The following ZNF469 variants were observed in gnomAD, a reference collection of about 807,000 sequenced individuals.
The protein encoded by ZNF469 is zinc finger protein 469.
Under a neutral mutation model 1.0 loss-of-function variants are expected in ZNF469, and 1 was observed. That is an observed-to-expected ratio of 1.00 (90% CI 0.35 to 4.73). The LOEUF (loss-of-function observed/expected upper bound fraction) is 4.73, where lower values mean the gene tolerates loss of function less well. Ranked by LOEUF, ZNF469 falls within the 30% of genes most tolerant of loss-of-function variation. The pLI, the probability that ZNF469 is intolerant of heterozygous loss-of-function variation, is 0.16. For missense variants in ZNF469, 6,100 were observed against 5,356.3 expected (o/e 1.14, Z -4.33); for synonymous variants, 2,703 against 2,363.4 (o/e 1.14, Z -4.17).
rs557997233 is a variant in ZNF469 at position 88,431,686 on chromosome 16, G to T, written c.4216G>T (p.Asp1406Tyr). The T allele has an allele frequency of 3.1e-4, 487 of 1,550,430 alleles. 3 individuals are homozygous for T. Among genetic ancestry groups the T allele is most frequent in the East Asian group, 9.3e-4 (38 of 40,922 alleles). ...EELHPKPSAR[D>Y]APPASSSCLC... Reference sequence around the variant, plus strand: ...ACTGCACCCCAAGCCCTCAGCCAGGGATGCCCCGCCGGCCAGCAGCTCCTG... The same window carrying T: ...ACTGCACCCCAAGCCCTCAGCCAGGTATGCCCCGCCGGCCAGCAGCTCCTG... Residue 1406 changes from aspartate to tyrosine, a missense_variant, in exon 3 of 3, where the codon GAT (aspartate) becomes TAT (tyrosine). By Grantham distance (160) the Asp-to-Tyr change is radical. Coordinates refer to ENST00000565624, the MANE Select transcript of ZNF469 (RefSeq NM_001367624.2).
At chr16:88,321,348 G>T in the ZNF469 span, among the ~76,000 whole-genome samples, 16,857 of 152,276 alleles carry the variant, frequency 0.11, 1,030 homozygotes, top group East Asian at 0.19. Context: ...GGCCTTGCCT[G>T]ATTGGATGCA....
At chr16:88,271,522 C>T in the ZNF469 span, among the ~76,000 whole-genome samples, 3 of 140,426 alleles carry the variant, frequency 2.1e-5, no homozygotes, top group Non-Finnish European at 3.2e-5. Context: ...ATGTGTGGCA[C>T]GTGGAAAGGA....
chr16:88,361,067 G>A, the ZNF469 span, among the ~76,000 whole-genome samples: 1,439 of 152,268 alleles, frequency 9.5e-3, 26 homozygotes, highest in African/African-American at 0.032. Context: ...TTTTCCTGCA[G>A]CTAGGTGGTC....
the ZNF469 span, among the ~76,000 whole-genome samples, chr16:88,377,095 C>T: frequency 2.6e-3 from 402 of 152,334 alleles, 1 homozygote; most frequent in Non-Finnish European, 4.6e-3. Context: ...AGATGGGACT[C>T]GACCCAGAGC....
chr16:88,237,120 T>G, the ZNF469 span, among the ~76,000 whole-genome samples: 34 of 147,240 alleles, frequency 2.3e-4, 1 homozygote, highest in South Asian at 4.8e-3. Context: ...AGCAGCTTCC[T>G]GGGCCCCTAA....
intron 1 of ZNF469, among the ~76,000 whole-genome samples, chr16:88,421,098 A>G (rs560385503): frequency 5.3e-5 from 8 of 151,846 alleles, no homozygotes; most frequent in Non-Finnish European, 8.8e-5. Flanking sequence ...GAAACTGAGC[A>G]GGTTGAAAGA....
chr16:88,366,774 G>A, the ZNF469 span, among the ~76,000 whole-genome samples: 15,022 of 144,038 alleles, frequency 0.1, 784 homozygotes, highest in Middle Eastern at 0.16. Flanking sequence ...CACCGCCATC[G>A]CCACCGTCAC....
the ZNF469 span, among the ~76,000 whole-genome samples, chr16:88,318,406 A>G: frequency 6.6e-6 from 1 of 151,852 alleles, no homozygotes; most frequent in African/African-American, 2.4e-5. Context: ...AGCGGGGAAG[A>G]GCCAGCGGTG....
the ZNF469 span, among the ~76,000 whole-genome samples, chr16:88,266,273 T>A: frequency 6.6e-6 from 1 of 152,138 alleles, no homozygotes; most frequent in Non-Finnish European, 1.5e-5. Flanking sequence ...ATGGGGGGAC[T>A]TGGGGCCACT....
chr16:88,338,007 T>C, the ZNF469 span, among the ~76,000 whole-genome samples: 1 of 152,238 alleles, frequency 6.6e-6, no homozygotes, highest in East Asian at 1.9e-4. Context: ...ACTTTCTCTA[T>C]TTTTCCTCTG....
the ZNF469 span, among the ~76,000 whole-genome samples, chr16:88,120,424 G>C: frequency 5.3e-5 from 8 of 152,276 alleles, no homozygotes; most frequent in African/African-American, 1.9e-4. Context: ...GGACGCATTA[G>C]CCAGAGGGCT....
chr16:88,346,591 T>C, the ZNF469 span, among the ~76,000 whole-genome samples: 1 of 152,178 alleles, frequency 6.6e-6, no homozygotes, highest in Non-Finnish European at 1.5e-5. Flanking sequence ...CGATGTTGGC[T>C]CACCGCGGCC....
chr16:88,350,417 A>G, the ZNF469 span, among the ~76,000 whole-genome samples: 1 of 152,142 alleles, frequency 6.6e-6, no homozygotes, highest in Non-Finnish European at 1.5e-5. Flanking sequence ...AGAATCGCCT[A>G]GGGGAGGGCA....
At chr16:88,360,720 G>A in the ZNF469 span, among the ~76,000 whole-genome samples, 1 of 130,050 alleles carries the variant, frequency 7.7e-6, no homozygotes, top group East Asian at 2.3e-4. Context: ...TCCACCCCCA[G>A]ACAGCGCCCG....
chr16:88,168,926 C>CT, the ZNF469 span, among the ~76,000 whole-genome samples: 1 of 152,082 alleles, frequency 6.6e-6, no homozygotes, highest in Admixed American at 6.5e-5. The surrounding 1 kb of genome is among the most constrained non-coding windows in gnomAD (Gnocchi z 4.3). Context: ...TGAGACCCCC[C>CT]CCTCTACAAA....
intron 1 of ZNF469, among the ~76,000 whole-genome samples, chr16:88,392,996 C>T (rs1381117028): frequency 2.0e-5 from 3 of 152,260 alleles, no homozygotes; most frequent in African/African-American, 7.2e-5. Flanking sequence ...CAGGTCCTGG[C>T]ACAGAGAGGC....
upstream of ZNF469, among the ~76,000 whole-genome samples, chr16:88,378,989 G>C (rs1204251633): frequency 6.6e-6 from 1 of 152,206 alleles, no homozygotes; most frequent in Non-Finnish European, 1.5e-5. Flanking sequence ...CAGGATGGAC[G>C]GGTGTCCACA....
the ZNF469 span, among the ~76,000 whole-genome samples, chr16:88,110,406 G>A: frequency 5.2e-5 from 8 of 152,384 alleles, no homozygotes; most frequent in Admixed American, 3.9e-4. Context: ...CACGGTCTCC[G>A]TCCGTCTTCT....
the ZNF469 span, among the ~76,000 whole-genome samples, chr16:88,365,788 A>G: frequency 6.6e-6 from 1 of 152,182 alleles, no homozygotes; most frequent in East Asian, 1.9e-4. Context: ...TGGTCGGGGT[A>G]AGTGAGGGAG....
Sources: allele counts gnomAD v4.1 joint callset (sites outside exome capture counted in the v4.1 genomes callset), GRCh38; gene constraint gnomAD v4.1.1; non-coding constraint Gnocchi (gnomAD v3.1); transcripts MANE v1.5; gene names NCBI Gene and HGNC (gene_info 2026-07-23, HGNC 2026-07-21).